Variants in COL8A1 observed in about 807,000 individuals in gnomAD.
COL8A1 encodes collagen type VIII alpha 1 chain.
A neutral mutation model predicts 42.7 loss-of-function variants in COL8A1; 21 were observed. The observed-to-expected ratio is 0.49, with a 90% CI of 0.35 to 0.71. The LOEUF is 0.71. Among genes scored for constraint, COL8A1 ranks in the 30% least tolerant of loss-of-function variants. COL8A1 has a pLI of 0.01. For synonymous variants in COL8A1, 367 were observed against 369.1 expected, an observed-to-expected ratio of 0.99 and a Z score of 0.06; for missense variants, 788 against 962.4, an observed-to-expected ratio of 0.82 and a Z score of 2.40.
chr3:99,752,915 G>A (rs1941182419), intron 2 of COL8A1, among the ~76,000 whole-genome samples: 2 of 152,106 alleles, frequency 1.3e-5, no homozygotes, highest in Non-Finnish European at 2.9e-5. Context: ...GAGGAAAGCT[G>A]GGACATGCAA....
chr3:99,678,715 TGTTACTAATA>T (rs1307373680), intron 1 of COL8A1: 2 of 152,154 alleles, frequency 1.3e-5, no homozygotes, highest in African/African-American at 4.8e-5. Context: ...GTTGTTGAGG[TGTTACTAATA>T]GTTACTAGTA....
At position 99,794,630 on chromosome 3, in the gene COL8A1, G is replaced by A. The variant is rs140481515; in HGVS notation, c.729G>A (p.Lys243=). ...GCCTTCGGGGTCCTAAAGGAGACAA[G>A]GGCTTCGGGATGCCAGGTGCGCCAG... ...PQGLRGPKGD[K]GFGMPGAPGV... The change falls in exon 4 of 4, where the codon AAG becomes AAA. Residue 243 remains lysine, a synonymous_variant. Transcript: ENST00000652472. The surrounding 1 kb of genome is among the most constrained non-coding windows in gnomAD (Gnocchi z 4.3). 3.8e-5 allele frequency: 61 copies of A among 1,613,420 alleles called. No homozygotes were observed. In the African/African-American group the frequency reaches 7.6e-4, roughly 20 times the overall value.
intron 1 of COL8A1, among the ~76,000 whole-genome samples, chr3:99,730,212 A>C (rs547634018): frequency 6.6e-6 from 1 of 152,236 alleles, no homozygotes; most frequent in Middle Eastern, 3.4e-3. Context: ...TGTGCAGATA[A>C]CACAATTAGG....
In COL8A1 at chr3:99,692,328, C is replaced by T. The variant is rs931174919; in HGVS notation, c.-128-52569C>T. ...CTCAAAAAACCAAGTATGTCTCAAA[C>T]AACCACAGAAAAATGGATAGTAGGC... is the stretch of plus-strand genomic sequence containing the variant. On this transcript the variant is annotated intron_variant, in intron 1 of 3. Coordinates refer to ENST00000652472, the MANE Select transcript of COL8A1 (RefSeq NM_020351.4). Among the ~76,000 whole-genome samples, 13 of 152,210 alleles carry T rather than the reference C, an allele frequency of 8.5e-5. No individual in the cohort carries two copies. The East Asian group carries it at 2.5e-3, about 29-fold the overall frequency.
intron 1 of COL8A1, among the ~76,000 whole-genome samples, chr3:99,731,147 C>T (rs1322663447): frequency 6.6e-6 from 1 of 151,938 alleles, no homozygotes; most frequent in Middle Eastern, 3.2e-3. Context: ...TTGAGACAGA[C>T]TGAAAATAAA....
At chr3:99,728,146 A>G (rs1245884612) in intron 1 of COL8A1, among the ~76,000 whole-genome samples, 2 of 152,064 alleles carry the variant, frequency 1.3e-5, no homozygotes, top group East Asian at 3.9e-4. Flanking sequence ...GGCCAGGGCA[A>G]TTAGGCAGGA....
At chr3:99,786,446 T>C (rs1435178455) in intron 2 of COL8A1, among the ~76,000 whole-genome samples, 1 of 152,078 alleles carries the variant, frequency 6.6e-6, no homozygotes, top group Non-Finnish European at 1.5e-5. Flanking sequence ...CAAAATGGTG[T>C]CATCTATGAA....
intron 2 of COL8A1, among the ~76,000 whole-genome samples, chr3:99,754,720 C>T (rs1479859991): frequency 6.6e-6 from 1 of 152,160 alleles, no homozygotes; most frequent in African/African-American, 2.4e-5. Context: ...TGAGGTTCAA[C>T]CCCCTCTCAC....
intron 1 of COL8A1, among the ~76,000 whole-genome samples, chr3:99,737,569 G>A (rs1293144427): frequency 2.0e-5 from 3 of 152,038 alleles, no homozygotes; most frequent in Admixed American, 2.0e-4. Flanking sequence ...CTCTCTTCTG[G>A]CTTGTAGGGT....
intron 2 of COL8A1, among the ~76,000 whole-genome samples, chr3:99,768,518 T>C (rs1017253634): frequency 6.6e-6 from 1 of 152,254 alleles, no homozygotes; most frequent in Non-Finnish European, 1.5e-5. Flanking sequence ...CAAGGTCACA[T>C]AGACCATGAG....
chr3:99,682,430 A>AATG (rs1326803374), intron 1 of COL8A1, among the ~76,000 whole-genome samples: 5 of 152,090 alleles, frequency 3.3e-5, no homozygotes, highest in African/African-American at 1.2e-4. Flanking sequence ...TAATAATAAT[A>AATG]ATGATAATAA....
rs769206436 is a variant in COL8A1, at chr3:99,794,328, C to T, written c.427C>T (p.Pro143Ser). 1 of 1,613,690 alleles carries T rather than the reference C, an allele frequency of 6.2e-7. No individual in the cohort carries two copies. Among genetic ancestry groups the T allele is most frequent in the East Asian group, 2.2e-5 (1 of 44,832 alleles). The change falls in exon 4 of 4, where the codon CCT (proline) becomes TCT (serine). Residue 143 changes from proline to serine, a missense_variant. By Grantham distance (74) the Pro-to-Ser change is moderately conservative. Around this residue, in one of 4 missense-constraint regions of COL8A1, gnomAD observed 421 missense variants for 553.1 expected, o/e 0.76. Transcript: ENST00000652472. This position sits in a 1 kb window ranked among gnomAD's most constrained non-coding sequence, Gnocchi z 4.3. ...GPPGLPGHGI[P>S]GIKGKPGPQG... ...CCCTGGTTTGCCAGGTCATGGGATA[C>T]CTGGAATTAAAGGAAAACCAGGGCC...
chr3:99,697,211 C>T (rs1433131321), intron 1 of COL8A1, among the ~76,000 whole-genome samples: 3 of 151,886 alleles, frequency 2.0e-5, no homozygotes, highest in Non-Finnish European at 4.4e-5. Flanking sequence ...TGGTCTCGAT[C>T]TCCTGACCTC....
intron 1 of COL8A1, among the ~76,000 whole-genome samples, chr3:99,699,953 G>A (rs1939488127): frequency 1.3e-5 from 2 of 152,172 alleles, no homozygotes. Flanking sequence ...GACTGTTGAT[G>A]AAATAATTAG....
chr3:99,795,306 G>A lies in COL8A1; in HGVS notation c.1405G>A (p.Val469Ile), dbSNP rs1942081439. The change falls in exon 4 of 4, where the codon GTA (valine) becomes ATA (isoleucine). Residue 469 changes from valine (V) to isoleucine (I), a missense_variant. By Grantham distance (29) the Val-to-Ile change is conservative. Transcript: ENST00000652472. ...CAAGGGGGAAGCTGGGCAAAAAGGT[G>A]TACCAGGACTCCCTGGTGTTCCAGG... ...GPKGEAGQKG[V>I]PGLPGVPGLL... 14 of 1,609,480 alleles carry A rather than the reference G, an allele frequency of 8.7e-6. No individual in the cohort carries two copies. Among genetic ancestry groups the A allele is most frequent in the Admixed American group, 3.4e-5 (2 of 59,270 alleles).
rs149369221 is a variant in COL8A1, at chr3:99,643,901, TC to T, written c.-129+5238del. Among the ~76,000 whole-genome samples, 802 of 152,198 alleles carry T rather than the reference TC, an allele frequency of 5.3e-3. 7 individuals are homozygous for T. Among genetic ancestry groups the T allele is most frequent in the African/African-American group, 0.018 (754 of 41,524 alleles). On this transcript the variant is annotated intron_variant, in intron 1 of 3. Coordinates refer to ENST00000652472, the MANE Select transcript of COL8A1 (RefSeq NM_020351.4). ...TAACCATTTTGTACCTTCCTCGGCC[TC>T]TAATGAGAGAAAGAGCAAAATACCC...
intron 1 of COL8A1, among the ~76,000 whole-genome samples, chr3:99,693,902 G>A (rs141345886): frequency 7.9e-5 from 12 of 152,162 alleles, no homozygotes; most frequent in East Asian, 7.7e-4. Flanking sequence ...CCCTATACAG[G>A]TATACTATTT....
rs571472670 is a variant in COL8A1 at position 99,769,835 on chromosome 3, C to T, written c.-3-20845C>T. On this transcript the variant is annotated intron_variant, in intron 2 of 3. Transcript: ENST00000652472. Reference sequence around the variant, plus strand: ...TCAAGAGGCTGAGGCAGGAGAATTGCTTGAACCCGGGAGATGGAGGTTGCA... The same window carrying T: ...TCAAGAGGCTGAGGCAGGAGAATTGTTTGAACCCGGGAGATGGAGGTTGCA... Among the ~76,000 whole-genome samples, 15 of 152,230 alleles carry T rather than the reference C, an allele frequency of 9.9e-5. No homozygotes were observed. The South Asian group carries it at 2.9e-3, about 29-fold the overall frequency.
intron 1 of COL8A1, among the ~76,000 whole-genome samples, chr3:99,693,068 T>C (rs1157159545): frequency 6.6e-6 from 1 of 152,132 alleles, no homozygotes; most frequent in Non-Finnish European, 1.5e-5. Flanking sequence ...CGCGTGTTTG[T>C]AATCCCAGCT....
Sources: allele counts gnomAD v4.1 joint callset (sites outside exome capture counted in the v4.1 genomes callset), GRCh38; gene constraint gnomAD v4.1.1; regional missense constraint gnomAD v4.1.1; non-coding constraint Gnocchi (gnomAD v3.1); transcripts MANE v1.5; gene names NCBI Gene and HGNC (gene_info 2026-07-23, HGNC 2026-07-21).